PPARGC1A: variants seen among roughly 807,000 people sequenced by gnomAD.
The protein encoded by PPARGC1A is peroxisome proliferator-activated receptor gamma coactivator 1-alpha.
PPARGC1A carries 25 observed loss-of-function variants against 88.7 expected under a neutral mutation model. The observed-to-expected ratio is 0.28, with a 90% confidence interval of 0.21 to 0.39. PPARGC1A has a LOEUF of 0.39. PPARGC1A is among the 10% of genes least tolerant of loss of function. PPARGC1A has a pLI of 1.00. For synonymous variants in PPARGC1A, 363 were observed against 355.6 expected (o/e 1.02, Z -0.24); for missense variants, 880 against 968.7 (o/e 0.91, Z 1.22).
the PPARGC1A span, among the ~76,000 whole-genome samples, chr4:24,056,134 G>A: frequency 1.3e-5 from 2 of 152,198 alleles, no homozygotes; most frequent in African/African-American, 4.8e-5. Flanking sequence ...TGGCAGATTT[G>A]GGACTCCAAT....
chr4:24,109,159 T>G, the PPARGC1A span, among the ~76,000 whole-genome samples: 1 of 151,954 alleles, frequency 6.6e-6, no homozygotes, highest in Non-Finnish European at 1.5e-5. Flanking sequence ...AATTGAAACT[T>G]ATTGGTAATA....
the PPARGC1A span, among the ~76,000 whole-genome samples, chr4:24,364,466 T>A: frequency 6.6e-6 from 1 of 152,174 alleles, no homozygotes; most frequent in Non-Finnish European, 1.5e-5. Context: ...CCACCTCCAA[T>A]CTTGCAAGAG....
the PPARGC1A span, among the ~76,000 whole-genome samples, chr4:23,956,177 G>A: frequency 6.6e-6 from 1 of 152,066 alleles, no homozygotes; most frequent in Non-Finnish European, 1.5e-5. Flanking sequence ...TAGTGGGCTG[G>A]ATTTGGTGTG....
At chr4:23,921,195 CAATT>C in the PPARGC1A span, among the ~76,000 whole-genome samples, 7 of 152,206 alleles carry the variant, frequency 4.6e-5, no homozygotes, top group Non-Finnish European at 8.8e-5. Flanking sequence ...ATTACATTCA[CAATT>C]AAACTCTTTA....
chr4:24,399,823 C>G, the PPARGC1A span, among the ~76,000 whole-genome samples: 4 of 149,430 alleles, frequency 2.7e-5, no homozygotes, highest in African/African-American at 7.4e-5. Flanking sequence ...GAGTCTTACT[C>G]TGTCACCCAG....
At chr4:24,288,002 C>A in the PPARGC1A span, among the ~76,000 whole-genome samples, 2 of 152,230 alleles carry the variant, frequency 1.3e-5, no homozygotes, top group Non-Finnish European at 2.9e-5. Flanking sequence ...TCTCCCTCCC[C>A]CTCACCCACC....
chr4:23,823,050 G>A (rs1426899397), intron 7 of PPARGC1A, among the ~76,000 whole-genome samples: 1 of 151,828 alleles, frequency 6.6e-6, no homozygotes, highest in Non-Finnish European at 1.5e-5. Flanking sequence ...CATTGTACTG[G>A]TGATTGAAAT....
chr4:24,340,019 G>A, the PPARGC1A span, among the ~76,000 whole-genome samples: 4 of 152,252 alleles, frequency 2.6e-5, no homozygotes, highest in Middle Eastern at 3.4e-3. Context: ...TTACAGGCGT[G>A]AGCCACCGTG....
chr4:24,385,230 C>T, the PPARGC1A span, among the ~76,000 whole-genome samples: 16 of 152,070 alleles, frequency 1.1e-4, no homozygotes, highest in African/African-American at 3.9e-4. Flanking sequence ...ATCTCTGGGG[C>T]ACCGCTAAAG....
chr4:24,429,299 A>G, the PPARGC1A span, among the ~76,000 whole-genome samples: 2 of 152,186 alleles, frequency 1.3e-5, no homozygotes, highest in African/African-American at 4.8e-5. Context: ...ACACTCACAC[A>G]GTTTTTTATA....
chr4:24,353,957 T>C, the PPARGC1A span, among the ~76,000 whole-genome samples: 1 of 152,184 alleles, frequency 6.6e-6, no homozygotes, highest in Admixed American at 6.5e-5. Context: ...TATCACAAAT[T>C]TTGTGGCCTT....
intron 2 of PPARGC1A, among the ~76,000 whole-genome samples, chr4:23,847,403 T>TCA (rs1385324863): frequency 2.0e-5 from 3 of 152,154 alleles, no homozygotes; most frequent in Non-Finnish European, 4.4e-5. Flanking sequence ...CCATTACCAC[T>TCA]CATACCCTGT....
chr4:23,808,289 T>G (rs1461265528), intron 10 of PPARGC1A, among the ~76,000 whole-genome samples: 1 of 151,792 alleles, frequency 6.6e-6, no homozygotes, highest in Non-Finnish European at 1.5e-5. Context: ...TTGCACAATT[T>G]TTTTCATTTC....
At chr4:23,963,501 G>A in the PPARGC1A span, among the ~76,000 whole-genome samples, 6 of 152,074 alleles carry the variant, frequency 3.9e-5, no homozygotes, top group Non-Finnish European at 7.4e-5. Flanking sequence ...GGTATTTAAT[G>A]CCTTTGTCTT....
the PPARGC1A span, among the ~76,000 whole-genome samples, chr4:23,991,219 A>G: frequency 6.6e-6 from 1 of 152,086 alleles, no homozygotes; most frequent in African/African-American, 2.4e-5. Flanking sequence ...GGAAAGGCAG[A>G]TAGCTTTGTG....
At chr4:23,889,351 A>T in intron 1 of PPARGC1A, 1 of 985,346 alleles carries the variant, frequency 1.0e-6, no homozygotes, top group Non-Finnish European at 1.2e-6. Flanking sequence ...AGGAAGCAGC[A>T]TCGTTGTTTT....
At chr4:24,072,180 T>C in the PPARGC1A span, among the ~76,000 whole-genome samples, 1 of 147,864 alleles carries the variant, frequency 6.8e-6, no homozygotes, top group East Asian at 2.0e-4. Flanking sequence ...TTAAATTAAA[T>C]AATTTATATA....
chr4:23,837,544 C>T (rs987907922), intron 2 of PPARGC1A, among the ~76,000 whole-genome samples: 3 of 152,078 alleles, frequency 2.0e-5, no homozygotes, highest in Non-Finnish European at 4.4e-5. Flanking sequence ...GGGCCAACTC[C>T]CCCCAAATAC....
At chr4:23,967,301 C>T in the PPARGC1A span, among the ~76,000 whole-genome samples, 1 of 152,138 alleles carries the variant, frequency 6.6e-6, no homozygotes, top group African/African-American at 2.4e-5. Flanking sequence ...CACCATGCGC[C>T]GATTATTAAC....
Sources: gnomAD v4.1 joint callset for allele counts (sites outside exome capture counted in the v4.1 genomes callset) on GRCh38, gnomAD v4.1.1 for gene constraint, MANE v1.5 for transcripts, NCBI Gene and HGNC (gene_info 2026-07-23, HGNC 2026-07-21) for gene names.